Variants in ZC3H13 observed in about 807,000 individuals in gnomAD.
ZC3H13 encodes the protein zinc finger CCCH domain-containing protein 13.
A neutral mutation model predicts 204.1 loss-of-function variants in ZC3H13; 64 were observed. The ratio of observed to expected loss-of-function variants is 0.31; its 90% CI spans 0.26 to 0.39. ZC3H13 has a LOEUF of 0.39. Among genes scored for constraint, ZC3H13 ranks in the 10% least tolerant of loss-of-function variants. The pLI is 1.00. For synonymous variants in ZC3H13, 667 were observed against 693.7 expected, an observed-to-expected ratio of 0.96 and a Z score of 0.60; for missense variants, 1,833 against 2,082.7, an observed-to-expected ratio of 0.88 and a Z score of 2.33.
chr13:46,023,737 C>A (rs1410580300), intron 4 of ZC3H13, among the ~76,000 whole-genome samples: 1 of 152,112 alleles, frequency 6.6e-6, no homozygotes, highest in East Asian at 1.9e-4. Context: ...AAACTTCAGG[C>A]CTAAGTGACT....
intron 5 of ZC3H13, among the ~76,000 whole-genome samples, chr13:46,019,316 GTAAC>G (rs971369980): frequency 1.3e-5 from 2 of 152,108 alleles, no homozygotes; most frequent in African/African-American, 4.8e-5. Flanking sequence ...CAGACAATAT[GTAAC>G]CAAATGGATG....
intron 5 of ZC3H13, among the ~76,000 whole-genome samples, chr13:46,013,002 T>C (rs2041668195): frequency 6.6e-6 from 1 of 152,196 alleles, no homozygotes; most frequent in Admixed American, 6.5e-5. Context: ...ACTGCCAATC[T>C]AAAAATTCGC....
intron 4 of ZC3H13, among the ~76,000 whole-genome samples, chr13:46,030,933 A>G (rs113766179): frequency 6.6e-6 from 1 of 152,216 alleles, no homozygotes; most frequent in Admixed American, 6.5e-5. Context: ...TACTTTGTAG[A>G]TACTGACATA....
At chr13:46,045,101 A>C in intron 2 of ZC3H13, 37 bp from the exon 3 acceptor site, 1 of 1,528,484 alleles carries the variant, frequency 6.5e-7, no homozygotes, top group Non-Finnish European at 8.9e-7. Context: ...TTTCATATTT[A>C]TTTCTGGAAA....
At chr13:46,011,826 T>C (rs140539035) in intron 5 of ZC3H13, among the ~76,000 whole-genome samples, 1 of 152,206 alleles carries the variant, frequency 6.6e-6, no homozygotes, top group African/African-American at 2.4e-5. Flanking sequence ...GGTTTTTTGT[T>C]AGGAGATGGA....
chr13:46,046,062 T>C (rs901419844), intron 1 of ZC3H13, among the ~76,000 whole-genome samples: 4 of 152,182 alleles, frequency 2.6e-5, no homozygotes, highest in Non-Finnish European at 5.9e-5. Flanking sequence ...ATTTTAGTAT[T>C]TTCTTTGCCT....
At chr13:45,992,473 C>T (rs1259390251) in intron 8 of ZC3H13, among the ~76,000 whole-genome samples, 1 of 152,152 alleles carries the variant, frequency 6.6e-6, no homozygotes, top group Non-Finnish European at 1.5e-5. Flanking sequence ...AATTGAATGT[C>T]ATGGTTAATT....
chr13:45,977,354 C>A (rs890892600), intron 11 of ZC3H13, among the ~76,000 whole-genome samples: 6 of 152,098 alleles, frequency 3.9e-5, no homozygotes, highest in Non-Finnish European at 8.8e-5. Context: ...CTTTAAATTT[C>A]TAATTACAGC....
At chr13:46,022,591 A>G (rs1374374987) in intron 4 of ZC3H13, among the ~76,000 whole-genome samples, 1 of 152,008 alleles carries the variant, frequency 6.6e-6, no homozygotes, top group African/African-American at 2.4e-5. Context: ...TATTAATTAA[A>G]AGTATAACCT....
chr13:45,999,905 TA>T, intron 8 of ZC3H13, among the ~76,000 whole-genome samples: 1 of 152,222 alleles, frequency 6.6e-6, no homozygotes, highest in Admixed American at 6.5e-5. Flanking sequence ...ATGAAACTAT[TA>T]ATCTCTCCTG....
chr13:45,970,508 C>CA (rs760899850), intron 12 of ZC3H13, 43 bp from the exon 13 acceptor site: 1 of 1,558,838 alleles, frequency 6.4e-7, no homozygotes, highest in Non-Finnish European at 8.7e-7. Context: ...TTCTAGGGGG[C>CA]AAAAAAAGAG....
chr13:46,044,442 C>T (rs187899835), intron 3 of ZC3H13, among the ~76,000 whole-genome samples: 48 of 151,988 alleles, frequency 3.2e-4, no homozygotes, highest in African/African-American at 8.9e-4. Flanking sequence ...AAACGATGTT[C>T]GAAATATGGA....
Position 45,963,966 on chromosome 13 carries a change from A to T in ZC3H13, c.4551T>A (p.Ala1517=). Reference sequence around the variant, plus strand: ...CTCCAGGTGTGAATTTTAAGAGTGCAGCCCCAGGCTCTCGTGGTTCTTTTG... The same window carrying T: ...CTCCAGGTGTGAATTTTAAGAGTGCTGCCCCAGGCTCTCGTGGTTCTTTTG... ...KHPKEPREPG[A]ALLKFTPGAV... Residue 1517 remains alanine (A), a synonymous_variant, in exon 17 of 19, where the codon GCT becomes GCA. Coordinates refer to ENST00000679008, the MANE Select transcript of ZC3H13 (RefSeq NM_001330564.2). 6.2e-7 allele frequency: 1 copy of T among 1,614,164 alleles called. No individual in the cohort carries two copies. The highest frequency in any genetic ancestry group is 8.5e-7 in the Non-Finnish European group (1 of 1,180,010).
intron 8 of ZC3H13, among the ~76,000 whole-genome samples, chr13:45,992,952 C>T (rs1269175555): frequency 1.3e-5 from 2 of 152,114 alleles, no homozygotes; most frequent in Non-Finnish European, 2.9e-5. Context: ...CAGCTTGCAG[C>T]CAGATCACAG....
chr13:46,027,951 C>T lies in ZC3H13; in HGVS notation c.340-7394G>A, dbSNP rs542562159. 2.0e-4 allele frequency among the ~76,000 whole-genome samples: 30 copies of T among 152,126 alleles called. No individual in the cohort carries two copies. In the South Asian group the frequency reaches 5.6e-3, roughly 28 times the overall value. On this transcript the variant is annotated intron_variant, in intron 4 of 18. Coordinates refer to ENST00000679008, the MANE Select transcript of ZC3H13 (RefSeq NM_001330564.2). ...AATGGCAATGAAGAGAAAACAGTAACGAATGTTGTAGATATTAATTCAACT... is the reference window on the plus strand; with the variant it reads ...AATGGCAATGAAGAGAAAACAGTAATGAATGTTGTAGATATTAATTCAACT...
chr13:45,993,501 TTTATGA>T, intron 8 of ZC3H13, among the ~76,000 whole-genome samples: 2 of 152,158 alleles, frequency 1.3e-5, no homozygotes, highest in Non-Finnish European at 2.9e-5. Context: ...GGAACCACAA[TTTATGA>T]GAGAACAGAG....
In ZC3H13 at chr13:46,052,441, GCAC is replaced by G. The variant is rs1277322470; in HGVS notation, c.-50_-48del. ...CTCCCTTCGCAAGTGCAGTCCGGAG[GCAC>G]CACCGCCGCCGCCGCTCCGAGGAGC... On this transcript the variant is annotated 5_prime_UTR_variant, in exon 1 of 19. Transcript: ENST00000679008. The G allele has an allele frequency of 1.5e-5, 6 of 398,096 alleles. No individual in the cohort carries two copies. In the East Asian group the frequency reaches 1.8e-4, roughly 12 times the overall value. The allele number at this position is 398,096 out of a possible 1,614,324, so 24.7% of individuals were successfully genotyped here.
intron 6 of ZC3H13, 57 bp downstream of exon 6, chr13:46,011,358 G>T: frequency 6.7e-7 from 1 of 1,487,972 alleles, no homozygotes; most frequent in Non-Finnish European, 9.0e-7. Flanking sequence ...TGAGTTATCT[G>T]ATCAATACAA....
chr13:45,970,869 T>C (rs1161968170), intron 12 of ZC3H13, among the ~76,000 whole-genome samples: 1 of 152,200 alleles, frequency 6.6e-6, no homozygotes, highest in African/African-American at 2.4e-5. Context: ...AACCTAATAT[T>C]GGCTTTGAAG....
Sources: gnomAD v4.1 joint callset for allele counts (sites outside exome capture counted in the v4.1 genomes callset) on GRCh38, gnomAD v4.1.1 for gene constraint, MANE v1.5 for transcripts, NCBI Gene and HGNC (gene_info 2026-07-23, HGNC 2026-07-21) for gene names.